The following CAST variants were observed in gnomAD, a reference collection of about 807,000 sequenced individuals.
The protein encoded by CAST is MIR583 host.
Under a neutral mutation model 119.6 loss-of-function variants are expected in CAST, and 76 were observed. The observed-to-expected ratio is 0.64, with a 90% CI of 0.53 to 0.77. CAST has a LOEUF of 0.77. Among genes scored for constraint, CAST ranks in the 30% least tolerant of loss-of-function variants. The pLI, the probability that CAST is intolerant of heterozygous loss-of-function variation, is 0.00. For synonymous variants in CAST, 319 were observed against 331.6 expected, an observed-to-expected ratio of 0.96 and a Z score of 0.41; for missense variants, 953 against 946.5, an observed-to-expected ratio of 1.01 and a Z score of -0.09.
At chr5:96,695,798 GT>G in intron 2 of CAST, 37 bp from the exon 3 acceptor site, 2 of 1,415,848 alleles carry the variant, frequency 1.4e-6, no homozygotes, top group East Asian at 2.3e-5. Context: ...TTGGTAAGGT[GT>G]TTTCCCCCAT....
At chr5:96,505,607 A>G in the CAST span, among the ~76,000 whole-genome samples, 1 of 152,260 alleles carries the variant, frequency 6.6e-6, no homozygotes, top group Non-Finnish European at 1.5e-5. Context: ...GGAAAGGCAT[A>G]GAATCACCAC....
At chr5:96,198,790 G>A in the CAST span, among the ~76,000 whole-genome samples, 2 of 152,042 alleles carry the variant, frequency 1.3e-5, no homozygotes, top group Admixed American at 6.6e-5. Flanking sequence ...CATCATTCCC[G>A]GACCTGTGGA....
the CAST span, among the ~76,000 whole-genome samples, chr5:96,262,326 A>T: frequency 6.6e-6 from 1 of 152,152 alleles, no homozygotes; most frequent in Non-Finnish European, 1.5e-5. Context: ...CACTGCACCG[A>T]GGAAAAACAG....
At chr5:96,110,672 C>A in the CAST span, among the ~76,000 whole-genome samples, 1 of 152,124 alleles carries the variant, frequency 6.6e-6, no homozygotes, top group Non-Finnish European at 1.5e-5. Flanking sequence ...GTAAAATTAA[C>A]CATACAATTA....
chr5:96,257,874 CCA>C, the CAST span, among the ~76,000 whole-genome samples: 1 of 152,206 alleles, frequency 6.6e-6, no homozygotes, highest in African/African-American at 2.4e-5. Flanking sequence ...TTTTTGCCAT[CCA>C]CAGTCGTGTA....
At chr5:96,408,338 G>A in the CAST span, 66 of 1,601,050 alleles carry the variant, frequency 4.1e-5, 1 homozygote, top group South Asian at 7.3e-4. Flanking sequence ...ATGACGTCAG[G>A]AAGGAGAGAA....
At chr5:96,762,925 C>T (rs1768509849) in intron 25 of CAST, 1 of 515,242 alleles carries the variant, frequency 1.9e-6, no homozygotes, top group Non-Finnish European at 3.5e-6. Context: ...TAATTATTTA[C>T]ATGCTGTGAG....
intron 1 of CAST, among the ~76,000 whole-genome samples, chr5:96,568,056 T>A (rs936253975): frequency 1.3e-5 from 2 of 152,176 alleles, no homozygotes; most frequent in Non-Finnish European, 2.9e-5. Flanking sequence ...AAACTTCATC[T>A]AAAAGGGTAC....
At chr5:96,281,285 G>A in the CAST span, among the ~76,000 whole-genome samples, 1 of 152,086 alleles carries the variant, frequency 6.6e-6, no homozygotes, top group East Asian at 1.9e-4. Context: ...AAACTCAAAA[G>A]GTAGCATGAC....
chr5:96,511,149 CTTTA>C, the CAST span, among the ~76,000 whole-genome samples: 2 of 152,220 alleles, frequency 1.3e-5, no homozygotes, highest in African/African-American at 2.4e-5. Flanking sequence ...AGACTATATT[CTTTA>C]TTTATTTTTT....
intron 3 of CAST, among the ~76,000 whole-genome samples, chr5:96,703,293 C>A (rs1320152907): frequency 6.6e-6 from 1 of 152,118 alleles, no homozygotes; most frequent in Non-Finnish European, 1.5e-5. Flanking sequence ...TTTGGTTTGG[C>A]ACCTTTATCT....
At chr5:95,981,601 C>A in the CAST span, among the ~76,000 whole-genome samples, 2 of 152,150 alleles carry the variant, frequency 1.3e-5, no homozygotes, top group Non-Finnish European at 2.9e-5. Flanking sequence ...TGTGGCCCAG[C>A]GCAGTGGCTC....
the CAST span, among the ~76,000 whole-genome samples, chr5:96,021,506 C>T: frequency 7.5e-3 from 1,136 of 151,880 alleles, 14 homozygotes; most frequent in African/African-American, 0.025. Context: ...AGTGCAGTGG[C>T]GCGATCTCTG....
chr5:96,485,577 C>T, the CAST span, among the ~76,000 whole-genome samples: 2 of 152,190 alleles, frequency 1.3e-5, no homozygotes, highest in South Asian at 4.2e-4. Flanking sequence ...AGAAGAGACA[C>T]CCAAATATGA....
chr5:96,550,056 T>G (rs1746097062), intron 1 of CAST, among the ~76,000 whole-genome samples: 1 of 152,196 alleles, frequency 6.6e-6, no homozygotes, highest in Admixed American at 6.5e-5. Context: ...AGAGCAGTAG[T>G]TCTCCCAGCA....
intron 1 of CAST, among the ~76,000 whole-genome samples, chr5:96,640,393 A>T (rs1246166244): frequency 6.6e-6 from 1 of 152,208 alleles, no homozygotes; most frequent in African/African-American, 2.4e-5. Flanking sequence ...AGCAAGCAAG[A>T]ACTTAAGTCA....
chr5:96,391,965 T>C, the CAST span: 1 of 152,214 alleles, frequency 6.6e-6, no homozygotes, highest in Non-Finnish European at 1.5e-5. Flanking sequence ...GAAGAACTTT[T>C]AGTATCAAGG....
chr5:96,501,799 G>A, the CAST span, among the ~76,000 whole-genome samples: 19 of 152,304 alleles, frequency 1.2e-4, no homozygotes, highest in South Asian at 2.9e-3. Context: ...CATATACAAC[G>A]GTGATCCCAT....
the CAST span, among the ~76,000 whole-genome samples, chr5:96,337,041 A>G: frequency 1.3e-5 from 2 of 152,180 alleles, no homozygotes; most frequent in South Asian, 2.1e-4. Flanking sequence ...GTTAGATGAA[A>G]CATATTTGAA....
Sources: gnomAD v4.1 joint callset for allele counts (sites outside exome capture counted in the v4.1 genomes callset) on GRCh38, gnomAD v4.1.1 for gene constraint, MANE v1.5 for transcripts, NCBI Gene and HGNC (gene_info 2026-07-23, HGNC 2026-07-21) for gene names.